Variants in CD37 observed in about 807,000 individuals in gnomAD.
The protein encoded by CD37 is leukocyte antigen CD37.
In CD37, 37 loss-of-function variants were observed where a neutral mutation model predicts 38.9. That is an observed-to-expected ratio of 0.95 (90% CI 0.73 to 1.25). CD37 has a LOEUF of 1.25. CD37 is among the 50% of genes most tolerant of loss of function. The pLI, the probability that CD37 is intolerant of heterozygous loss-of-function variation, is 0.00. For synonymous variants in CD37, 146 were observed against 150.1 expected (o/e 0.97, Z 0.20); for missense variants, 351 against 360.1 (o/e 0.97, Z 0.20).
In CD37 at chr19:49,335,464, C is replaced by T. The variant is rs1362494213; in HGVS notation, c.-77C>T. 7 of 1,041,436 alleles carry T rather than the reference C, an allele frequency of 6.7e-6. No individual in the cohort carries two copies. The African/African-American group carries it at 9.5e-5, about 14-fold the overall frequency. 64.5% of individuals were successfully genotyped at this position (1,041,436 alleles called of 1,614,324 possible). A position where few individuals can be genotyped will look rare whatever the true frequency, so the allele number is the denominator to read the frequency against. On this transcript the variant is annotated 5_prime_UTR_variant, in exon 1 of 8. Transcript: ENST00000323906. This position sits in a 1 kb window ranked among gnomAD's most constrained non-coding sequence, Gnocchi z 4.6. ...TCCGTCTCTCTTTCTCTCTCAGCCTCTTTCTTTCTCCCTGTCTCCCCCACT... is the reference window on the plus strand; with the variant it reads ...TCCGTCTCTCTTTCTCTCTCAGCCTTTTTCTTTCTCCCTGTCTCCCCCACT...
rs1971030124 is a variant in CD37 at position 49,338,127 on chromosome 19, C to A, written c.447+98C>A. 2.0e-6 allele frequency: 3 copies of A among 1,516,814 alleles called. No individual in the cohort carries two copies. The highest frequency in any genetic ancestry group is 1.8e-6 in the Non-Finnish European group (2 of 1,131,332). 94.0% of individuals were successfully genotyped at this position (1,516,814 alleles called of 1,614,324 possible). ...AACGTGGGCCCGACCCCCAGCTCTA[C>A]GATCCTAACACACCCCAATCCCTCC... On this transcript the variant is annotated intron_variant, in intron 5 of 7. Coordinates refer to ENST00000323906, the MANE Select transcript of CD37 (RefSeq NM_001774.3). The surrounding 1 kb of genome is among the most constrained non-coding windows in gnomAD (Gnocchi z 5.0).
Position 49,339,609 on chromosome 19 carries a change from G to A in CD37, c.768+196G>A, listed in dbSNP as rs1002620669. 1 of 1,438,244 alleles carries A rather than the reference G, an allele frequency of 7.0e-7. No individual in the cohort carries two copies. The highest frequency in any genetic ancestry group is 9.1e-7 in the Non-Finnish European group (1 of 1,101,176). The allele number at this position is 1,438,244 out of a possible 1,614,324, so 89.1% of individuals were successfully genotyped here. On this transcript the variant is annotated intron_variant, in intron 7 of 7. Coordinates refer to ENST00000323906, the MANE Select transcript of CD37 (RefSeq NM_001774.3). The surrounding 1 kb of genome is among the most constrained non-coding windows in gnomAD (Gnocchi z 4.5). The stretch of plus-strand genomic sequence containing the variant: ...AGGGAGCCCTGATTGGGTGTACGCA[G>A]GGAAAGCCTCCTGCTATTGGCTGCG...
intron 4 of CD37, chr19:49,337,625 G>T (rs1293046389): frequency 1.4e-6 from 2 of 1,479,818 alleles, no homozygotes; most frequent in Admixed American, 4.2e-5. Context: ...TAAATTAATA[G>T]AAAGACACAC....
intron 3 of CD37, 48 bp from the exon 4 acceptor site, chr19:49,337,099 C>A: frequency 6.2e-7 from 1 of 1,613,998 alleles, no homozygotes; most frequent in Non-Finnish European, 8.5e-7. Flanking sequence ...ATGGCCTGGG[C>A]CGGGGTTGCA....
chr19:49,338,420 G>T lies in CD37; in HGVS notation c.448-280G>T, dbSNP rs75772956. ...TCCTATTCACCTGTCGGGTATCAGA[G>T]GCTCAATTGCACCACCCACCCAATC... On this transcript the variant is annotated intron_variant, in intron 5 of 7. Coordinates refer to ENST00000323906, the MANE Select transcript of CD37 (RefSeq NM_001774.3). This position sits in a 1 kb window ranked among gnomAD's most constrained non-coding sequence, Gnocchi z 5.0. Among the ~76,000 whole-genome samples, 1 of 151,816 alleles carries T rather than the reference G, an allele frequency of 6.6e-6. No homozygotes were observed. The highest frequency in any genetic ancestry group is 1.5e-5 in the Non-Finnish European group (1 of 67,962).
At chr19:49,337,574 C>T in intron 4 of CD37, 1 of 1,258,814 alleles carries the variant, frequency 7.9e-7, no homozygotes, top group South Asian at 1.3e-5. Context: ...GTGAGCCATG[C>T]ACTCAGCCTG....
chr19:49,337,514 T>G, intron 4 of CD37: 1 of 719,666 alleles, frequency 1.4e-6, no homozygotes, highest in Non-Finnish European at 2.1e-6. Context: ...CCCAGCTACT[T>G]GGGAGGTCGA....
Position 49,338,158 on chromosome 19 carries a change from C to G in CD37, c.447+129C>G. The G allele has an allele frequency of 2.1e-6, 3 of 1,459,188 alleles. No homozygotes were observed. The highest frequency in any genetic ancestry group is 2.7e-6 in the Non-Finnish European group (3 of 1,107,078). 90.4% of individuals were successfully genotyped at this position (1,459,188 alleles called of 1,614,324 possible). On this transcript the variant is annotated intron_variant, in intron 5 of 7. Transcript: ENST00000323906. This position sits in a 1 kb window ranked among gnomAD's most constrained non-coding sequence, Gnocchi z 5.0. ...TAACACACCCCAATCCCTCCCAGGC[C>G]CGACGCTCCCCACTCCCCAGATGAC...
rs1229086826 is a variant in CD37 at position 49,339,983 on chromosome 19, G to A, written c.769-268G>A. 3 of 1,432,940 alleles carry A rather than the reference G, an allele frequency of 2.1e-6. No homozygotes were observed. The highest frequency in any genetic ancestry group is 1.4e-5 in the African/African-American group (1 of 69,814). 88.8% of individuals were successfully genotyped at this position (1,432,940 alleles called of 1,614,324 possible). ...GAGGCTGAGGCAGAGGGGGAAGACA[G>A]ATGAGCCTCCAAAATAAAGGACCCT... is the stretch of plus-strand genomic sequence containing the variant. On this transcript the variant is annotated intron_variant, in intron 7 of 7. Coordinates refer to ENST00000323906, the MANE Select transcript of CD37 (RefSeq NM_001774.3). The surrounding 1 kb of genome is among the most constrained non-coding windows in gnomAD (Gnocchi z 4.5).
chr19:49,338,155 G>C lies in CD37; in HGVS notation c.447+126G>C, dbSNP rs1971031332. ...TCCTAACACACCCCAATCCCTCCCA[G>C]GCCCGACGCTCCCCACTCCCCAGAT... On this transcript the variant is annotated intron_variant, in intron 5 of 7. Transcript: ENST00000323906. The surrounding 1 kb of genome is among the most constrained non-coding windows in gnomAD (Gnocchi z 5.0). 1 of 1,461,604 alleles carries C rather than the reference G, an allele frequency of 6.8e-7. No individual in the cohort carries two copies. Among genetic ancestry groups the C allele is most frequent in the Non-Finnish European group, 9.0e-7 (1 of 1,107,918 alleles). The allele number at this position is 1,461,604 out of a possible 1,614,324, so 90.5% of individuals were successfully genotyped here.
chr19:49,339,192 T>C lies in CD37; in HGVS notation c.685-138T>C. On this transcript the variant is annotated intron_variant, in intron 6 of 7. Coordinates refer to ENST00000323906, the MANE Select transcript of CD37 (RefSeq NM_001774.3). The surrounding 1 kb of genome is among the most constrained non-coding windows in gnomAD (Gnocchi z 4.5). ...AAAAGGTGAAGCGAGGGTGCACTAGTAAGGAGACTAGAGTGCCCTGGTGAC... is the reference window on the plus strand; with the variant it reads ...AAAAGGTGAAGCGAGGGTGCACTAGCAAGGAGACTAGAGTGCCCTGGTGAC... The C allele has an allele frequency of 3.8e-6, 3 of 786,586 alleles. No homozygotes were observed. The highest frequency in any genetic ancestry group is 6.4e-6 in the Non-Finnish European group (3 of 469,938). 48.7% of individuals were successfully genotyped at this position (786,586 alleles called of 1,614,324 possible). A position where few individuals can be genotyped will look rare whatever the true frequency, so the allele number is the denominator to read the frequency against.
Position 49,335,968 on chromosome 19 carries a change from AAAC to A in CD37, c.142+188_142+190del, listed in dbSNP as rs1489277358. The A allele has an allele frequency of 4.8e-6, 3 of 629,060 alleles. No homozygotes were observed. The highest frequency in any genetic ancestry group is 2.7e-5 in the East Asian group (1 of 37,652). 39.0% of individuals were successfully genotyped at this position (629,060 alleles called of 1,614,324 possible). A position where few individuals can be genotyped will look rare whatever the true frequency, so the allele number is the denominator to read the frequency against. On this transcript the variant is annotated intron_variant, in intron 2 of 7. Transcript: ENST00000323906. This position sits in a 1 kb window ranked among gnomAD's most constrained non-coding sequence, Gnocchi z 4.6. Reference sequence around the variant, plus strand: ...TTCCGGCAAATGGGGTTGTGCATACAAACAACAATGATCATGAGAGCCATTTCT... The same window carrying A: ...TTCCGGCAAATGGGGTTGTGCATACAAACAATGATCATGAGAGCCATTTCT...
In CD37 at chr19:49,340,347, T is replaced by A. The variant is rs777316549; in HGVS notation, c.*19T>A. ...CCGTTAGGCCCCGCCCTCCCCAAAG[T>A]CCCGCCCCGCCCCCGTCACGTGCGC... On this transcript the variant is annotated 3_prime_UTR_variant, in exon 8 of 8. Coordinates refer to ENST00000323906, the MANE Select transcript of CD37 (RefSeq NM_001774.3). The A allele has an allele frequency of 5.0e-5, 77 of 1,544,902 alleles. No individual in the cohort carries two copies. The South Asian group carries it at 8.5e-4, about 17-fold the overall frequency.
In CD37 at chr19:49,340,388, T is replaced by TG. The variant is rs1230343078; in HGVS notation, c.*61dup. Reference sequence around the variant, plus strand: ...TCACGTGCGCTGGGCACTTCCCTGCTGCCTGTAAATATTTGTTTAATCCCC... The same window carrying TG: ...TCACGTGCGCTGGGCACTTCCCTGCTGGCCTGTAAATATTTGTTTAATCCCC... On this transcript the variant is annotated 3_prime_UTR_variant, in exon 8 of 8. Transcript: ENST00000323906. 6.5e-5 allele frequency: 74 copies of TG among 1,131,950 alleles called. No individual in the cohort carries two copies. Among genetic ancestry groups the TG allele is most frequent in the Admixed American group, 1.7e-4 (10 of 59,096 alleles). The allele number at this position is 1,131,950 out of a possible 1,614,324, so 70.1% of individuals were successfully genotyped here.
chr19:49,338,970 TG>T lies in CD37; in HGVS notation c.684+38del. On this transcript the variant is annotated intron_variant, in intron 6 of 7. Coordinates refer to ENST00000323906, the MANE Select transcript of CD37 (RefSeq NM_001774.3). This position sits in a 1 kb window ranked among gnomAD's most constrained non-coding sequence, Gnocchi z 5.0. ...GGGTTCGGAGCATAAACCTGTCGAA[TG>T]GGGCGGGGCCTGCGGGAGGGGGAGG... is the stretch of plus-strand genomic sequence containing the variant. The T allele has an allele frequency of 2.1e-6, 3 of 1,428,240 alleles. No individual in the cohort carries two copies. Among genetic ancestry groups the T allele is most frequent in the Non-Finnish European group, 2.9e-6 (3 of 1,036,066 alleles). The allele number at this position is 1,428,240 out of a possible 1,614,324, so 88.5% of individuals were successfully genotyped here.
chr19:49,337,069 T>A lies in CD37; in HGVS notation c.267+36T>A, dbSNP rs1378971257. ...CATCCCTCTCCGTCCCTAGGAACAC[T>A]CCTATCCCCACCCTCAAAAATGGCC... On this transcript the variant is annotated intron_variant, in intron 3 of 7. Coordinates refer to ENST00000323906, the MANE Select transcript of CD37 (RefSeq NM_001774.3). The A allele has an allele frequency of 1.9e-6, 3 of 1,613,762 alleles. No homozygotes were observed. In the African/African-American group the frequency reaches 4.0e-5, roughly 22 times the overall value.
chr19:49,337,101 G>C, intron 3 of CD37, 46 bp from the exon 4 acceptor site: 1 of 1,613,962 alleles, frequency 6.2e-7, no homozygotes, highest in Non-Finnish European at 8.5e-7. Flanking sequence ...GGCCTGGGCC[G>C]GGGTTGCAGG....
Position 49,335,834 on chromosome 19 carries a change from C to A in CD37, c.142+48C>A, listed in dbSNP as rs763060716. 67 of 1,473,616 alleles carry A rather than the reference C, an allele frequency of 4.5e-5. No individual in the cohort carries two copies. Among genetic ancestry groups the A allele is most frequent in the Admixed American group, 3.0e-4 (18 of 59,846 alleles). The allele number at this position is 1,473,616 out of a possible 1,614,324, so 91.3% of individuals were successfully genotyped here. On this transcript the variant is annotated intron_variant, in intron 2 of 7. Transcript: ENST00000323906. This position sits in a 1 kb window ranked among gnomAD's most constrained non-coding sequence, Gnocchi z 4.6. ...GGAGGGCCTCCCCCAACCCAAGCAA[C>A]TTCCTGGGGTCTCCCTTGTCTCAGG... is the stretch of plus-strand genomic sequence containing the variant.
chr19:49,337,810 T>G (rs1479951451), intron 4 of CD37, 115 bp from the exon 5 acceptor site: 3 of 1,563,764 alleles, frequency 1.9e-6, no homozygotes, highest in Non-Finnish European at 2.6e-6. Flanking sequence ...AGCCATTCAG[T>G]AAGGATTTGA....
Sources: gnomAD v4.1 joint callset for allele counts (sites outside exome capture counted in the v4.1 genomes callset) on GRCh38, gnomAD v4.1.1 for gene constraint, Gnocchi (gnomAD v3.1) non-coding constraint, MANE v1.5 for transcripts, NCBI Gene and HGNC (gene_info 2026-07-23, HGNC 2026-07-21) for gene names.